CLYBL: variants seen among roughly 807,000 people sequenced by gnomAD.
CLYBL encodes the protein citramalyl-CoA lyase, mitochondrial.
In CLYBL, 31 loss-of-function variants were observed where a neutral mutation model predicts 38.9. The ratio of observed to expected loss-of-function variants is 0.80; its 90% CI spans 0.60 to 1.08. The LOEUF (loss-of-function observed/expected upper bound fraction) is 1.08. Among genes scored for constraint, CLYBL ranks in the 50% least tolerant of loss-of-function variants. The pLI is 0.00. For missense variants in CLYBL, 434 were observed against 411.6 expected (o/e 1.05, Z -0.47); for synonymous variants, 171 against 158.6 (o/e 1.08, Z -0.59).
intron 1 of CLYBL, among the ~76,000 whole-genome samples, chr13:99,653,090 ACT>A (rs970695449): frequency 6.6e-6 from 1 of 152,154 alleles, no homozygotes; most frequent in African/African-American, 2.4e-5. Flanking sequence ...AGGAATGTAT[ACT>A]GTTTGTTGGG....
chr13:99,853,217 G>A (rs2051374652), intron 2 of CLYBL, among the ~76,000 whole-genome samples: 1 of 151,834 alleles, frequency 6.6e-6, no homozygotes, highest in Non-Finnish European at 1.5e-5. Flanking sequence ...TTTTGGTAAG[G>A]TTTTCTCTTT....
intron 1 of CLYBL, among the ~76,000 whole-genome samples, chr13:99,697,399 C>G (rs537998630): frequency 1.3e-5 from 2 of 152,282 alleles, no homozygotes; most frequent in African/African-American, 4.8e-5. Flanking sequence ...ACTTTTGAGA[C>G]AAGGTCGCTG....
intron 1 of CLYBL, among the ~76,000 whole-genome samples, chr13:99,755,046 T>C (rs904365650): frequency 5.9e-5 from 9 of 151,920 alleles, no homozygotes; most frequent in African/African-American, 9.7e-5. Flanking sequence ...TACAGGCACC[T>C]GCCACCACGC....
intron 8 of CLYBL, among the ~76,000 whole-genome samples, chr13:99,903,439 C>T (rs1337622731): frequency 6.6e-6 from 1 of 152,150 alleles, no homozygotes; most frequent in Non-Finnish European, 1.5e-5. Context: ...CACACATGCA[C>T]ACAGGGAATT....
At chr13:99,808,780 T>G (rs920243949) in intron 2 of CLYBL, among the ~76,000 whole-genome samples, 2 of 152,216 alleles carry the variant, frequency 1.3e-5, no homozygotes. Context: ...TTAATGAATT[T>G]AATATTAACT....
intron 2 of CLYBL, among the ~76,000 whole-genome samples, chr13:99,808,209 C>T (rs1417334032): frequency 1.3e-5 from 2 of 152,166 alleles, no homozygotes; most frequent in Non-Finnish European, 2.9e-5. Context: ...CCTCAGCCTC[C>T]TGAGTAGCTG....
chr13:99,630,934 T>C (rs577729816), intron 1 of CLYBL, among the ~76,000 whole-genome samples: 1 of 152,218 alleles, frequency 6.6e-6, no homozygotes, highest in Admixed American at 6.5e-5. Flanking sequence ...CAGACCCCTG[T>C]TTCTGAAGCA....
chr13:99,821,677 A>G (rs944998559), intron 2 of CLYBL, among the ~76,000 whole-genome samples: 20 of 152,222 alleles, frequency 1.3e-4, no homozygotes, highest in African/African-American at 4.6e-4. Flanking sequence ...TAAAAAGTTG[A>G]TCACCTTTGC....
At chr13:99,820,576 C>T (rs1484139083) in intron 2 of CLYBL, among the ~76,000 whole-genome samples, 1 of 146,066 alleles carries the variant, frequency 6.8e-6, no homozygotes, top group East Asian at 2.1e-4. Flanking sequence ...GGATCATTGT[C>T]ATGTTGCTTC....
At chr13:99,839,072 C>G (rs979145901) in intron 2 of CLYBL, among the ~76,000 whole-genome samples, 1 of 152,228 alleles carries the variant, frequency 6.6e-6, no homozygotes, top group Admixed American at 6.5e-5. Context: ...TTGTAATCAA[C>G]TAAACCTTTT....
intron 7 of CLYBL, 42 bp downstream of exon 7, chr13:99,871,104 A>C (rs1246423812): frequency 2.5e-6 from 4 of 1,606,848 alleles, no homozygotes; most frequent in East Asian, 4.5e-5. Context: ...CAGTATTGAA[A>C]ATATTGTCGG....
intron 1 of CLYBL, among the ~76,000 whole-genome samples, chr13:99,683,386 C>T (rs2047767172): frequency 6.6e-6 from 1 of 152,086 alleles, no homozygotes; most frequent in East Asian, 1.9e-4. Context: ...AGCCTGTAAA[C>T]TTTGTTTATA....
chr13:99,805,234 G>A (rs1192654706), intron 2 of CLYBL, among the ~76,000 whole-genome samples: 2 of 152,120 alleles, frequency 1.3e-5, no homozygotes, highest in African/African-American at 2.4e-5. Context: ...GGGTGTACAC[G>A]TGTCTGTTCG....
chr13:99,875,215 A>G (rs566898565), intron 7 of CLYBL, among the ~76,000 whole-genome samples: 53 of 152,368 alleles, frequency 3.5e-4, no homozygotes, highest in African/African-American at 1.1e-3. Flanking sequence ...TAACAACTGT[A>G]AGCATCACGC....
chr13:99,681,369 C>T (rs926708307), intron 1 of CLYBL, among the ~76,000 whole-genome samples: 2 of 151,638 alleles, frequency 1.3e-5, no homozygotes, highest in African/African-American at 4.8e-5. Context: ...AGATGGTTCA[C>T]GGAAAAAATA....
chr13:99,638,549 C>G (rs1566595843), intron 1 of CLYBL, among the ~76,000 whole-genome samples: 1 of 152,180 alleles, frequency 6.6e-6, no homozygotes, highest in Non-Finnish European at 1.5e-5. Flanking sequence ...AGTATCTGCC[C>G]AACAGTCCCA....
intron 2 of CLYBL, among the ~76,000 whole-genome samples, chr13:99,780,843 A>T (rs372715519): frequency 2.0e-5 from 3 of 149,710 alleles, no homozygotes; most frequent in African/African-American, 7.4e-5. Context: ...CCTCCCAAGT[A>T]GCTGGGAATA....
At chr13:99,755,788 C>T (rs1323460206) in intron 1 of CLYBL, among the ~76,000 whole-genome samples, 2 of 152,184 alleles carry the variant, frequency 1.3e-5, no homozygotes, top group African/African-American at 4.8e-5. Context: ...CCTCTCTAGT[C>T]ACTGTCACTG....
At chr13:99,629,350 C>T (rs959061259) in intron 1 of CLYBL, among the ~76,000 whole-genome samples, 1 of 152,188 alleles carries the variant, frequency 6.6e-6, no homozygotes, top group Admixed American at 6.5e-5. Flanking sequence ...AGTACAAATG[C>T]GTCTGTTGAA....
Sources: allele counts gnomAD v4.1 joint callset (sites outside exome capture counted in the v4.1 genomes callset), GRCh38; gene constraint gnomAD v4.1.1; transcripts MANE v1.5; gene names NCBI Gene and HGNC (gene_info 2026-07-23, HGNC 2026-07-21).